Variants in HDAC2 observed in about 807,000 individuals in gnomAD.
HDAC2 encodes the protein YY1-associated factor 1.
In HDAC2, 5 loss-of-function variants were observed where a neutral mutation model predicts 68.5. The observed-to-expected ratio is 0.07, with a 90% CI of 0.04 to 0.15. The LOEUF is 0.15. HDAC2 is among the 10% of genes least tolerant of loss of function. The pLI, the probability that HDAC2 is intolerant of heterozygous loss-of-function variation, is 1.00. For missense variants in HDAC2, 291 were observed against 600.8 expected (o/e 0.48, Z 5.39); for synonymous variants, 182 against 191.3 (o/e 0.95, Z 0.40).
chr6:113,949,834 C>A (rs534445331), intron 6 of HDAC2, among the ~76,000 whole-genome samples: 1 of 151,688 alleles, frequency 6.6e-6, no homozygotes, highest in Non-Finnish European at 1.5e-5. Context: ...AGGCTGGAGG[C>A]GCAATGGCGT....
intron 2 of HDAC2, 124 bp downstream of exon 2, chr6:113,959,782 G>C (rs1776638372): frequency 1.7e-6 from 1 of 595,966 alleles, no homozygotes; most frequent in Non-Finnish European, 3.0e-6. Context: ...AAAGAAGTTT[G>C]TTTTCTTCCA....
At chr6:113,963,122 C>T (rs370111500) in intron 1 of HDAC2, among the ~76,000 whole-genome samples, 18 of 151,832 alleles carry the variant, frequency 1.2e-4, no homozygotes, top group African/African-American at 4.4e-4. Flanking sequence ...TCGCTCTTGT[C>T]ACCCAGGCTG....
In HDAC2 at chr6:113,956,030, G is replaced by A; in HGVS notation, c.480C>T (p.Ala160=). The A allele has an allele frequency of 6.2e-7, 1 of 1,604,064 alleles. No homozygotes were observed. Among genetic ancestry groups the A allele is most frequent in the Non-Finnish European group, 8.5e-7 (1 of 1,176,040 alleles). The change falls in exon 5 of 14, where the codon GCC becomes GCT. Residue 160 remains alanine (A), a synonymous_variant. Transcript: ENST00000519065. The part of the protein sequence containing the change: ...GFCYVNDIVL[A]ILELLKYHQR... ...TAACATACTTTAGTAATTCAAGGATGGCAAGCACAATATCATTAACGTAAC... is the reference window on the plus strand; with the variant it reads ...TAACATACTTTAGTAATTCAAGGATAGCAAGCACAATATCATTAACGTAAC...
At chr6:113,962,895 C>T (rs570082336) in intron 1 of HDAC2, among the ~76,000 whole-genome samples, 3 of 141,208 alleles carry the variant, frequency 2.1e-5, no homozygotes, top group East Asian at 2.3e-4. Flanking sequence ...ACCCAGGAGG[C>T]GGAGGTTGCA....
At chr6:113,952,675 T>C (rs1361606596) in intron 6 of HDAC2, among the ~76,000 whole-genome samples, 2 of 152,170 alleles carry the variant, frequency 1.3e-5, no homozygotes, top group South Asian at 2.1e-4. Flanking sequence ...AATGAACTTA[T>C]AGAAATAGGA....
rs1776120370 is a variant in HDAC2 at position 113,941,073 on chromosome 6, C to T, written c.1452G>A (p.Gln484=). 6.2e-7 allele frequency: 1 copy of T among 1,608,962 alleles called. No individual in the cohort carries two copies. Among genetic ancestry groups the T allele is most frequent in the South Asian group, 1.1e-5 (1 of 90,102 alleles). ...KTDTKGTKSE[Q]LSNP is the part of the protein sequence containing the mutation. The stretch of plus-strand genomic sequence containing the variant: ...ACTGTCAAATTCAGGGGTTGCTGAG[C>T]TGTTCTGATTTGGTTCTGTTAAAAG... The change falls in exon 14 of 14, where the codon CAG becomes CAA. Residue 484 remains glutamine, a synonymous_variant. Coordinates refer to ENST00000519065, the MANE Select transcript of HDAC2 (RefSeq NM_001527.4).
rs1775988498 is a variant in HDAC2 at position 113,935,863 on chromosome 6, TCAG to T, written c.*5192_*5194del. 6.6e-6 allele frequency: 1 copy of T among 152,200 alleles called. No homozygotes were observed. Among genetic ancestry groups the T allele is most frequent in the African/African-American group, 2.4e-5 (1 of 41,458 alleles). 9.4% of individuals were successfully genotyped at this position (152,200 alleles called of 1,614,324 possible). A position where few individuals can be genotyped will look rare whatever the true frequency, so the allele number is the denominator to read the frequency against. On this transcript the variant is annotated 3_prime_UTR_variant, in exon 14 of 14. Coordinates refer to ENST00000519065, the MANE Select transcript of HDAC2 (RefSeq NM_001527.4). ...AGACCAAAGGGGTTAGGTACTTAGT[TCAG>T]TAAACAAAAGTCGTGGAACAAGCAC...
chr6:113,954,414 T>G (rs1776497537), intron 5 of HDAC2, among the ~76,000 whole-genome samples: 1 of 152,172 alleles, frequency 6.6e-6, no homozygotes, highest in Admixed American at 6.5e-5. Flanking sequence ...AATGAGGCTG[T>G]GATCAAAATA....
At chr6:113,941,374 T>A (rs978563577) in intron 13 of HDAC2, among the ~76,000 whole-genome samples, 20 of 152,066 alleles carry the variant, frequency 1.3e-4, no homozygotes, top group Non-Finnish European at 1.6e-4. Context: ...TTCTTAAATT[T>A]ACCTATCTCA....
At chr6:113,955,983 T>A in intron 5 of HDAC2, 30 bp downstream of exon 5, 1 of 1,518,238 alleles carries the variant, frequency 6.6e-7, no homozygotes. Context: ...ACTTTATCAC[T>A]GAAAAGAGTA....
intron 6 of HDAC2, among the ~76,000 whole-genome samples, chr6:113,951,282 G>A (rs1286971456): frequency 6.6e-6 from 1 of 152,118 alleles, no homozygotes; most frequent in African/African-American, 2.4e-5. Flanking sequence ...TTCAGCATGA[G>A]AATGAATTAG....
chr6:113,966,632 T>G (rs558097623), intron 1 of HDAC2, among the ~76,000 whole-genome samples: 6 of 150,734 alleles, frequency 4.0e-5, no homozygotes, highest in African/African-American at 4.9e-5. Flanking sequence ...TTTTTAAATG[T>G]AGTTGGCGAA....
rs575854975 is a variant in HDAC2, at chr6:113,937,000, G to GA, written c.*4057dup. ...GAGTGAGACTCTTTCAAAAAAAAAA[G>GA]AAAAAAAAATAGCAGCTAACCCTTA... On this transcript the variant is annotated 3_prime_UTR_variant, in exon 14 of 14. Transcript: ENST00000519065. The GA allele has an allele frequency of 5.5e-4, 81 of 147,972 alleles. 1 individual carries two copies. The highest frequency in any genetic ancestry group is 1.6e-3 in the African/African-American group (63 of 40,242). The allele number at this position is 147,972 out of a possible 1,614,324, so 9.2% of individuals were successfully genotyped here. A position where few individuals can be genotyped will look rare whatever the true frequency, so the allele number is the denominator to read the frequency against.
chr6:113,958,424 GAGT>G, intron 3 of HDAC2: 1 of 389,046 alleles, frequency 2.6e-6, no homozygotes, highest in East Asian at 5.5e-5. Context: ...AGCAAACTAG[GAGT>G]AGAAGAATAC....
chr6:113,948,918 G>A, intron 8 of HDAC2, 61 bp downstream of exon 8: 1 of 1,570,034 alleles, frequency 6.4e-7, no homozygotes, highest in Non-Finnish European at 8.6e-7. Context: ...CTTTTACGGG[G>A]AGTTCTTGGG....
chr6:113,959,887 T>G lies in HDAC2; in HGVS notation c.165+19A>C, dbSNP rs1481577060. Reference sequence around the variant, plus strand: ...ATAAAAAAGATCAGTGCTGAATATGTATTAAAAGGAATACTCACATATATT... The same window carrying G: ...ATAAAAAAGATCAGTGCTGAATATGGATTAAAAGGAATACTCACATATATT... On this transcript the variant is annotated intron_variant, in intron 2 of 13. Transcript: ENST00000519065. 1.0e-6 allele frequency: 1 copy of G among 984,458 alleles called. No homozygotes were observed. Among genetic ancestry groups the G allele is most frequent in the Admixed American group, 1.9e-5 (1 of 53,380 alleles). 61.0% of individuals were successfully genotyped at this position (984,458 alleles called of 1,614,324 possible).
intron 6 of HDAC2, among the ~76,000 whole-genome samples, chr6:113,953,040 A>C (rs1229570021): frequency 6.6e-6 from 1 of 152,224 alleles, no homozygotes; most frequent in African/African-American, 2.4e-5. Flanking sequence ...GATATTCAAA[A>C]ACATTTATTC....
intron 1 of HDAC2, among the ~76,000 whole-genome samples, chr6:113,962,685 T>C (rs979684010): frequency 8.5e-5 from 13 of 152,242 alleles, no homozygotes; most frequent in Admixed American, 2.0e-4. Flanking sequence ...TTCTTCTAGC[T>C]GGGCGTGGAG....
chr6:113,942,319 C>T (rs1776154420), intron 12 of HDAC2, among the ~76,000 whole-genome samples: 1 of 151,076 alleles, frequency 6.6e-6, no homozygotes, highest in African/African-American at 2.4e-5. Context: ...CATTGTAATA[C>T]ATTGGGAAGT....
Sources: allele counts gnomAD v4.1 joint callset (sites outside exome capture counted in the v4.1 genomes callset), GRCh38; gene constraint gnomAD v4.1.1; transcripts MANE v1.5; gene names NCBI Gene and HGNC (gene_info 2026-07-23, HGNC 2026-07-21).